The following FOXO1 variants were observed in gnomAD, a reference collection of about 807,000 sequenced individuals.
The protein encoded by FOXO1 is forkhead box O1.
Under a neutral mutation model 44.1 loss-of-function variants are expected in FOXO1, and 6 were observed. That is an observed-to-expected ratio of 0.14 (90% confidence interval 0.07 to 0.27). The LOEUF (loss-of-function observed/expected upper bound fraction) is 0.27. FOXO1 is among the 10% of genes least tolerant of loss of function. FOXO1 has a pLI of 1.00. For missense variants in FOXO1, 737 were observed against 888.8 expected (o/e 0.83, Z 2.17); for synonymous variants, 380 against 362.7 (o/e 1.05, Z -0.54).
In FOXO1 at chr13:40,622,857, G is replaced by T. The variant is rs140387019; in HGVS notation, c.630+42726C>A. Among the ~76,000 whole-genome samples, 1,356 of 152,208 alleles carry T rather than the reference G, an allele frequency of 8.9e-3. 10 individuals are homozygous for T. The highest frequency in any genetic ancestry group is 0.013 in the Non-Finnish European group (852 of 68,030). On this transcript the variant is annotated intron_variant, in intron 1 of 2. Transcript: ENST00000379561. ...TCCCTAAGGATCACTATAAGTAAGC[G>T]TGGAAGAAGAAGAGTGTCCTGCTCT...
chr13:40,597,396 C>T (rs1024060421), intron 1 of FOXO1, among the ~76,000 whole-genome samples: 28 of 152,286 alleles, frequency 1.8e-4, no homozygotes, highest in African/African-American at 5.5e-4. Context: ...AACACAAAAA[C>T]ATCTTTATTA....
Position 40,581,382 on chromosome 13 carries a change from C to T in FOXO1, c.631-20522G>A, listed in dbSNP as rs966011385. ...TTTAAATTGAGAAACCAGCTGCTCG[C>T]TCCTTGATCAGTCATCCTTTTATCA... On this transcript the variant is annotated intron_variant, in intron 1 of 2. Coordinates refer to ENST00000379561, the MANE Select transcript of FOXO1 (RefSeq NM_002015.4). Among the ~76,000 whole-genome samples, 7 of 152,192 alleles carry T rather than the reference C, an allele frequency of 4.6e-5. No homozygotes were observed. In the South Asian group the frequency reaches 1.5e-3, roughly 32 times the overall value.
At chr13:40,654,969 T>G (rs1014565780) in intron 1 of FOXO1, among the ~76,000 whole-genome samples, 7 of 152,120 alleles carry the variant, frequency 4.6e-5, no homozygotes, top group African/African-American at 1.7e-4. Flanking sequence ...ATGTTTTATA[T>G]AATATCTTTA....
At position 40,666,581 on chromosome 13, in the gene FOXO1, T is replaced by G. The variant is rs1211088619; in HGVS notation, c.-369A>C. 4.6e-6 allele frequency: 1 copy of G among 216,094 alleles called. No individual in the cohort carries two copies. The highest frequency in any genetic ancestry group is 9.3e-6 in the Non-Finnish European group (1 of 108,046). 13.4% of individuals were successfully genotyped at this position (216,094 alleles called of 1,614,324 possible). The stretch of plus-strand genomic sequence containing the variant: ...GGCGCGCCCGCTGCGCTGCTGCCTG[T>G]TGAATGTGGCGGCTGCGGCAGCGGC... On this transcript the variant is annotated 5_prime_UTR_variant, in exon 1 of 3. Transcript: ENST00000379561.
chr13:40,593,069 A>G (rs2137867887), intron 1 of FOXO1, among the ~76,000 whole-genome samples: 1 of 152,170 alleles, frequency 6.6e-6, no homozygotes, highest in Admixed American at 6.5e-5. Context: ...TGTCACCCAC[A>G]TTGGAGTGCA....
chr13:40,571,367 A>C (rs1402952985), intron 1 of FOXO1, among the ~76,000 whole-genome samples: 1 of 152,200 alleles, frequency 6.6e-6, no homozygotes, highest in Non-Finnish European at 1.5e-5. Flanking sequence ...AACTTAAAGT[A>C]CTATAAAAAA....
chr13:40,636,329 A>C (rs1026926482), intron 1 of FOXO1, among the ~76,000 whole-genome samples: 2 of 152,046 alleles, frequency 1.3e-5, no homozygotes, highest in African/African-American at 4.8e-5. Context: ...CCATTTCCTG[A>C]CCTGTAAAAT....
intron 1 of FOXO1, among the ~76,000 whole-genome samples, chr13:40,581,121 TG>T: frequency 6.6e-6 from 1 of 152,206 alleles, no homozygotes; most frequent in Admixed American, 6.6e-5. Flanking sequence ...TAGACTTTTC[TG>T]GGACACAACA....
chr13:40,617,779 T>A (rs1876477945), intron 1 of FOXO1, among the ~76,000 whole-genome samples: 1 of 152,216 alleles, frequency 6.6e-6, no homozygotes, highest in Admixed American at 6.5e-5. Flanking sequence ...TAACATGATA[T>A]TTCCTTTTTA....
rs530737942 is a variant in FOXO1 at position 40,666,291 on chromosome 13, C to A, written c.-79G>T. ...GCACTGGGGGCGGACGGGGAGGGGG[C>A]GCGAAGGGACGGTCCGAGATTTGGG... is the stretch of plus-strand genomic sequence containing the variant. On this transcript the variant is annotated 5_prime_UTR_variant, in exon 1 of 3. Transcript: ENST00000379561. The A allele has an allele frequency of 3.4e-6, 4 of 1,190,476 alleles. No individual in the cohort carries two copies. The South Asian group carries it at 9.0e-5, about 27-fold the overall frequency. The allele number at this position is 1,190,476 out of a possible 1,614,324, so 73.7% of individuals were successfully genotyped here.
intron 1 of FOXO1, among the ~76,000 whole-genome samples, chr13:40,627,309 G>C (rs1876817581): frequency 6.6e-6 from 1 of 152,016 alleles, no homozygotes; most frequent in South Asian, 2.1e-4. Context: ...CAAAACCCTT[G>C]GACACTTTAA....
intron 1 of FOXO1, among the ~76,000 whole-genome samples, chr13:40,608,351 C>T (rs576485834): frequency 3.9e-5 from 6 of 152,318 alleles, no homozygotes; most frequent in African/African-American, 1.4e-4. Context: ...CCCTCTTGCA[C>T]ATGACACTAC....
chr13:40,602,173 A>C (rs1032397893), intron 1 of FOXO1, among the ~76,000 whole-genome samples: 1 of 152,214 alleles, frequency 6.6e-6, no homozygotes, highest in Non-Finnish European at 1.5e-5. Context: ...TGCAGGAATA[A>C]TATGCTTAAT....
chr13:40,636,186 A>T (rs1435305951), intron 1 of FOXO1, among the ~76,000 whole-genome samples: 1 of 151,922 alleles, frequency 6.6e-6, no homozygotes, highest in Non-Finnish European at 1.5e-5. Flanking sequence ...CCCTACTCCA[A>T]CCTGGGCCAC....
At chr13:40,598,462 A>C (rs2137875718) in intron 1 of FOXO1, among the ~76,000 whole-genome samples, 1 of 152,322 alleles carries the variant, frequency 6.6e-6, no homozygotes, top group South Asian at 2.1e-4. Context: ...CGAATGAACA[A>C]AAACAAACTA....
chr13:40,641,298 ACTT>A (rs1289201907), intron 1 of FOXO1, among the ~76,000 whole-genome samples: 10 of 152,168 alleles, frequency 6.6e-5, no homozygotes, highest in African/African-American at 2.4e-4. Flanking sequence ...CGACAGGGTT[ACTT>A]GGTCAACTCC....
intron 1 of FOXO1, among the ~76,000 whole-genome samples, chr13:40,574,513 G>A (rs1874668598): frequency 6.6e-6 from 1 of 152,198 alleles, no homozygotes; most frequent in South Asian, 2.1e-4. Context: ...ATAAACTCAT[G>A]ATATTCTAGA....
chr13:40,601,181 G>C (rs1220229095), intron 1 of FOXO1, among the ~76,000 whole-genome samples: 1 of 152,176 alleles, frequency 6.6e-6, no homozygotes, highest in African/African-American at 2.4e-5. Flanking sequence ...CCCAGTCTTT[G>C]AAGGATATTA....
At chr13:40,662,457 T>G (rs1261320358) in intron 1 of FOXO1, among the ~76,000 whole-genome samples, 2 of 152,190 alleles carry the variant, frequency 1.3e-5, no homozygotes, top group Admixed American at 1.3e-4. Context: ...GCACTAGATT[T>G]AGAAGATCCC....
Sources: gnomAD v4.1 joint callset for allele counts (sites outside exome capture counted in the v4.1 genomes callset) on GRCh38, gnomAD v4.1.1 for gene constraint, MANE v1.5 for transcripts, NCBI Gene and HGNC (gene_info 2026-07-23, HGNC 2026-07-21) for gene names.